FABP7: variants seen among roughly 807,000 people sequenced by gnomAD.
FABP7 encodes the protein fatty acid-binding protein, brain.
Under a neutral mutation model 14.2 loss-of-function variants are expected in FABP7, and 13 were observed. The observed-to-expected ratio is 0.91, with a 90% confidence interval of 0.59 to 1.45. FABP7 has a LOEUF of 1.45. Among genes scored for constraint, FABP7 ranks in the 40% most tolerant of loss-of-function variants. The probability of loss-of-function intolerance (pLI) is 0.00; values close to 1 mark genes in which losing one functional copy is unlikely to be tolerated. For synonymous variants in FABP7, 49 were observed against 51.4 expected (o/e 0.95, Z 0.20); for missense variants, 149 against 157.6 (o/e 0.95, Z 0.29).
the FABP7 span, among the ~76,000 whole-genome samples, chr6:122,759,015 G>A: frequency 1.2e-4 from 19 of 152,212 alleles, no homozygotes; most frequent in Admixed American, 3.9e-4. Flanking sequence ...AGCTCCCTTG[G>A]GACCAACATA....
the FABP7 span, among the ~76,000 whole-genome samples, chr6:122,751,488 CT>C: frequency 3.3e-5 from 5 of 152,210 alleles, no homozygotes; most frequent in Admixed American, 3.3e-4. Context: ...TCCTTTAAAG[CT>C]TCCACATAGT....
upstream of FABP7, among the ~76,000 whole-genome samples, chr6:122,777,373 C>A (rs764614108): frequency 6.6e-6 from 1 of 152,058 alleles, no homozygotes; most frequent in African/African-American, 2.4e-5. Context: ...ACTGAGCAGA[C>A]CCCCTTTTGG....
At chr6:122,770,348 T>C in the FABP7 span, among the ~76,000 whole-genome samples, 2 of 152,118 alleles carry the variant, frequency 1.3e-5, no homozygotes, top group Non-Finnish European at 2.9e-5. Context: ...TTATAGGTCA[T>C]ATTTCTTCCT....
chr6:122,781,597 A>G (rs1780785989), intron 3 of FABP7: 1 of 1,171,780 alleles, frequency 8.5e-7, no homozygotes, highest in Non-Finnish European at 1.1e-6. Context: ...AGATGACTTT[A>G]TAGCTCCTGT....
the FABP7 span, among the ~76,000 whole-genome samples, chr6:122,757,174 G>A: frequency 0.043 from 6,601 of 152,168 alleles, 422 homozygotes; most frequent in African/African-American, 0.14. Flanking sequence ...TCTGCCTTGA[G>A]TGTATAATAG....
Position 122,779,839 on chromosome 6 carries a change from G to T in FABP7, c.45G>T (p.Gln15His). Residue 15 changes from glutamine to histidine, a missense_variant, in exon 1 of 4, where the codon CAG (glutamine) becomes CAT (histidine). Coordinates refer to ENST00000368444, the MANE Select transcript of FABP7 (RefSeq NM_001446.5). Reference protein sequence around the residue: ...FCATWKLTNSQNFDEYMKALG... With the variant: ...FCATWKLTNSHNFDEYMKALG... ...CTACCTGGAAGCTGACCAACAGTCA[G>T]AACTTTGATGAGTACATGAAGGCTC... 6.2e-7 allele frequency: 1 copy of T among 1,614,160 alleles called. No individual in the cohort carries two copies. The highest frequency in any genetic ancestry group is 8.5e-7 in the Non-Finnish European group (1 of 1,180,032).
At chr6:122,764,893 A>T in the FABP7 span, among the ~76,000 whole-genome samples, 1 of 152,214 alleles carries the variant, frequency 6.6e-6, no homozygotes, top group Non-Finnish European at 1.5e-5. Flanking sequence ...TCAAGCAACT[A>T]GGCTGTCAAG....
intron 3 of FABP7, chr6:122,782,390 A>G: frequency 1.8e-6 from 1 of 568,424 alleles, no homozygotes. Flanking sequence ...CCTGGCAATC[A>G]TTGAGGTTGT....
the FABP7 span, among the ~76,000 whole-genome samples, chr6:122,765,001 G>T: frequency 2.0e-5 from 3 of 152,132 alleles, no homozygotes; most frequent in Non-Finnish European, 4.4e-5. Context: ...GTTTCTTCCT[G>T]CAGATAAGTA....
chr6:122,776,878 C>CATGT (rs1280815899), upstream of FABP7, among the ~76,000 whole-genome samples: 1 of 152,140 alleles, frequency 6.6e-6, no homozygotes, highest in African/African-American at 2.4e-5. Context: ...TGTATGGCAA[C>CATGT]ATGTATTCTT....
chr6:122,764,749 T>C, the FABP7 span, among the ~76,000 whole-genome samples: 2 of 152,128 alleles, frequency 1.3e-5, no homozygotes, highest in African/African-American at 4.8e-5. Flanking sequence ...AAGGGATGTG[T>C]GTATGTTTGT....
At chr6:122,774,156 G>T in the FABP7 span, among the ~76,000 whole-genome samples, 1 of 151,990 alleles carries the variant, frequency 6.6e-6, no homozygotes, top group Non-Finnish European at 1.5e-5. Context: ...GAGGTCAGGG[G>T]TTCGAGACCA....
the FABP7 span, among the ~76,000 whole-genome samples, chr6:122,757,048 G>T: frequency 6.6e-6 from 1 of 152,044 alleles, no homozygotes; most frequent in East Asian, 1.9e-4. Flanking sequence ...TTAATAATTT[G>T]GTCCCATGGC....
the FABP7 span, among the ~76,000 whole-genome samples, chr6:122,765,803 GC>G: frequency 6.6e-6 from 1 of 151,760 alleles, no homozygotes; most frequent in Non-Finnish European, 1.5e-5. Flanking sequence ...TGTCATAGAA[GC>G]CACTTCTACC....
rs752243395 is a variant in FABP7, at chr6:122,780,466, G to A, written c.246+3G>A. ...CTGCAGATGATAGAAACTGTAAGGT[G>A]AGAAACTGCTTCTTCTTCAGAGTGG... On this transcript the variant is annotated splice_donor_region_variant and intron_variant, in intron 2 of 3. Coordinates refer to ENST00000368444, the MANE Select transcript of FABP7 (RefSeq NM_001446.5). 1 of 1,607,894 alleles carries A rather than the reference G, an allele frequency of 6.2e-7. No individual in the cohort carries two copies. The highest frequency in any genetic ancestry group is 8.5e-7 in the Non-Finnish European group (1 of 1,178,628).
At chr6:122,749,603 T>C in the FABP7 span, among the ~76,000 whole-genome samples, 5 of 152,150 alleles carry the variant, frequency 3.3e-5, no homozygotes, top group Non-Finnish European at 7.4e-5. Context: ...AATCACTTCA[T>C]ATATATCCTT....
At chr6:122,779,952 C>A (rs1029071166) in intron 1 of FABP7, 85 bp downstream of exon 1, 1 of 1,309,580 alleles carries the variant, frequency 7.6e-7, no homozygotes, top group South Asian at 1.2e-5. Flanking sequence ...ATCAGGTCAG[C>A]AAGAGGCAAA....
chr6:122,773,351 G>A, the FABP7 span, among the ~76,000 whole-genome samples: 149 of 152,248 alleles, frequency 9.8e-4, no homozygotes, highest in African/African-American at 3.3e-3. Context: ...CCACTGCTGC[G>A]CACTCAGTCC....
At chr6:122,761,972 C>T in the FABP7 span, among the ~76,000 whole-genome samples, 1 of 152,160 alleles carries the variant, frequency 6.6e-6, no homozygotes, top group South Asian at 2.1e-4. Flanking sequence ...CAAAGAAGAG[C>T]TGTTACCATT....
Sources: gnomAD v4.1 joint callset for allele counts (sites outside exome capture counted in the v4.1 genomes callset) on GRCh38, gnomAD v4.1.1 for gene constraint, MANE v1.5 for transcripts, NCBI Gene and HGNC (gene_info 2026-07-23, HGNC 2026-07-21) for gene names.